DYNC1I1: variants seen among roughly 807,000 people sequenced by gnomAD.
DYNC1I1 encodes the protein dynein cytoplasmic 1 intermediate chain 1.
DYNC1I1 carries 43 observed loss-of-function variants against 86.6 expected under a neutral mutation model. The ratio of observed to expected loss-of-function variants is 0.50; its 90% confidence interval spans 0.39 to 0.64. DYNC1I1 has a LOEUF of 0.64. DYNC1I1 is among the 30% of genes least tolerant of loss of function. The pLI is 0.00. For synonymous variants in DYNC1I1, 262 were observed against 283.7 expected (o/e 0.92, Z 0.77); for missense variants, 604 against 788.8 (o/e 0.77, Z 2.81).
chr7:95,835,665 G>A (rs1229286900), intron 5 of DYNC1I1, among the ~76,000 whole-genome samples: 1 of 152,094 alleles, frequency 6.6e-6, no homozygotes, highest in African/African-American at 2.4e-5. Flanking sequence ...CCTGTATTGG[G>A]TGCATATATG....
intron 4 of DYNC1I1, among the ~76,000 whole-genome samples, chr7:95,822,381 A>G (rs1795094433): frequency 6.6e-6 from 1 of 152,230 alleles, no homozygotes; most frequent in African/African-American, 2.4e-5. Flanking sequence ...TTGAAAAACA[A>G]ATTGACCCAC....
intron 9 of DYNC1I1, among the ~76,000 whole-genome samples, chr7:95,991,054 TAA>T (rs773839975): frequency 7.9e-4 from 118 of 149,370 alleles, no homozygotes; most frequent in African/African-American, 2.7e-3. Context: ...TAAAATAAAA[TAA>T]AATAAAAATA....
intron 1 of DYNC1I1, among the ~76,000 whole-genome samples, chr7:95,787,555 T>G (rs1371766513): frequency 2.0e-5 from 3 of 152,114 alleles, no homozygotes; most frequent in Non-Finnish European, 4.4e-5. Flanking sequence ...TACATAAGGC[T>G]AGGAACAGGG....
rs1006565801 is a variant in DYNC1I1 at position 95,985,924 on chromosome 7, G to GT, written c.743+954dup. ...AATATAGATGCTCTACAATCTTTGT[G>GT]TTTTTTTGAAAAGCCATTTTTCTAT... On this transcript the variant is annotated intron_variant, in intron 8 of 16. Transcript: ENST00000447467. Among the ~76,000 whole-genome samples the GT allele has an allele frequency of 1.3e-4, 19 of 151,792 alleles. No homozygotes were observed. The East Asian group carries it at 3.5e-3, about 28-fold the overall frequency.
At chr7:96,016,880 A>G (rs1364383823) in intron 10 of DYNC1I1, among the ~76,000 whole-genome samples, 1 of 152,178 alleles carries the variant, frequency 6.6e-6, no homozygotes, top group Non-Finnish European at 1.5e-5. Flanking sequence ...TTTGATGTCA[A>G]TGTACAGCAG....
intron 9 of DYNC1I1, among the ~76,000 whole-genome samples, chr7:95,990,194 T>G (rs895052716): frequency 1.3e-5 from 2 of 152,152 alleles, no homozygotes; most frequent in African/African-American, 4.8e-5. Flanking sequence ...TATGTCAACT[T>G]TGTCACCCAT....
intron 10 of DYNC1I1, among the ~76,000 whole-genome samples, chr7:96,016,213 C>T (rs1794399182): frequency 6.6e-6 from 1 of 151,748 alleles, no homozygotes; most frequent in African/African-American, 2.4e-5. Flanking sequence ...AATGATCCAA[C>T]TGATTCTGTG....
At chr7:95,890,820 C>G (rs1584132358) in intron 6 of DYNC1I1, among the ~76,000 whole-genome samples, 1 of 152,058 alleles carries the variant, frequency 6.6e-6, no homozygotes, top group Admixed American at 6.6e-5. Flanking sequence ...GGTCTGGGCA[C>G]CAGTTTGAAA....
chr7:95,775,272 C>T (rs1026397367), intron 1 of DYNC1I1, among the ~76,000 whole-genome samples: 1 of 152,214 alleles, frequency 6.6e-6, no homozygotes, highest in African/African-American at 2.4e-5. Context: ...AACAATTACA[C>T]TGGTTAATTT....
intron 6 of DYNC1I1, among the ~76,000 whole-genome samples, chr7:95,892,922 G>A (rs1306204220): frequency 3.3e-5 from 5 of 152,252 alleles, no homozygotes; most frequent in East Asian, 1.9e-4. Flanking sequence ...AAAGTGGCAG[G>A]CTCCATGGCC....
chr7:95,933,309 A>G (rs1056565240), intron 6 of DYNC1I1, among the ~76,000 whole-genome samples: 1 of 152,234 alleles, frequency 6.6e-6, no homozygotes, highest in African/African-American at 2.4e-5. Flanking sequence ...AGAAGAGTCC[A>G]AATGAATCCA....
intron 16 of DYNC1I1, among the ~76,000 whole-genome samples, chr7:96,108,592 G>T (rs767420705): frequency 5.8e-4 from 88 of 152,148 alleles, no homozygotes; most frequent in Admixed American, 5.2e-4. Context: ...GGCCAGGCGC[G>T]GTGGCTCACA....
chr7:95,930,792 A>G (rs1382747401), intron 6 of DYNC1I1, among the ~76,000 whole-genome samples: 1 of 152,220 alleles, frequency 6.6e-6, no homozygotes, highest in Admixed American at 6.5e-5. Context: ...TGATGTAAAA[A>G]AAATATTTAA....
intron 6 of DYNC1I1, among the ~76,000 whole-genome samples, chr7:95,891,841 G>C (rs891928892): frequency 6.6e-6 from 1 of 152,096 alleles, no homozygotes; most frequent in Non-Finnish European, 1.5e-5. Context: ...CCTTCTTCAC[G>C]CATTTGTTCT....
Position 95,987,953 on chromosome 7 carries a change from C to T in DYNC1I1, c.843+798C>T, listed in dbSNP as rs927088882. On this transcript the variant is annotated intron_variant, in intron 9 of 16. Coordinates refer to ENST00000447467, the MANE Select transcript of DYNC1I1 (RefSeq NM_001135556.2). ...GACCCAGTCTGTCACGAAGACTTTC[C>T]ATGTCTTCACTCATGTATTCATCAT... Among the ~76,000 whole-genome samples the T allele has an allele frequency of 3.9e-5, 6 of 152,294 alleles. No individual in the cohort carries two copies. The South Asian group carries it at 1.2e-3, about 32-fold the overall frequency.
intron 14 of DYNC1I1, among the ~76,000 whole-genome samples, chr7:96,041,634 T>C (rs1789055613): frequency 6.6e-6 from 1 of 152,170 alleles, no homozygotes; most frequent in South Asian, 2.1e-4. Context: ...GTAACATTAT[T>C]CAGGTATAAG....
intron 16 of DYNC1I1, among the ~76,000 whole-genome samples, chr7:96,109,825 ATTTTAC>A (rs978340618): frequency 1.2e-4 from 18 of 152,250 alleles, no homozygotes; most frequent in Non-Finnish European, 2.4e-4. Context: ...CCTTGGTGAA[ATTTTAC>A]TTGTACTTAA....
chr7:95,854,858 A>G (rs1789674890), intron 5 of DYNC1I1, among the ~76,000 whole-genome samples: 2 of 152,190 alleles, frequency 1.3e-5, no homozygotes, highest in Non-Finnish European at 2.9e-5. Context: ...GTACAGAAAC[A>G]GATGAATTGG....
chr7:95,787,488 TG>T (rs1457620193), intron 1 of DYNC1I1, among the ~76,000 whole-genome samples: 2 of 151,632 alleles, frequency 1.3e-5, no homozygotes, highest in African/African-American at 4.8e-5. Context: ...AGAGGGAGGG[TG>T]GGGAAACAGA....
Sources: gnomAD v4.1 joint callset for allele counts (sites outside exome capture counted in the v4.1 genomes callset) on GRCh38, gnomAD v4.1.1 for gene constraint, MANE v1.5 for transcripts, NCBI Gene and HGNC (gene_info 2026-07-23, HGNC 2026-07-21) for gene names.